NSMCE2: variants seen among roughly 807,000 people sequenced by gnomAD.
NSMCE2 encodes E3 SUMO-protein ligase NSE2.
Under a neutral mutation model 23.8 loss-of-function variants are expected in NSMCE2, and 24 were observed. That is an observed-to-expected ratio of 1.01 (90% CI 0.73 to 1.42). The LOEUF (loss-of-function observed/expected upper bound fraction) is 1.42. Ranked by LOEUF, NSMCE2 falls within the 40% of genes most tolerant of loss-of-function variation. The pLI, the probability that NSMCE2 is intolerant of heterozygous loss-of-function variation, is 0.00. For synonymous variants in NSMCE2, 92 were observed against 94.1 expected, an observed-to-expected ratio of 0.98 and a Z score of 0.13; for missense variants, 284 against 296.5, an observed-to-expected ratio of 0.96 and a Z score of 0.31.
intron 5 of NSMCE2, among the ~76,000 whole-genome samples, chr8:125,292,341 G>A (rs1023934505): frequency 3.3e-5 from 5 of 152,086 alleles, no homozygotes; most frequent in African/African-American, 9.7e-5. Context: ...GATCACTTGA[G>A]GTCAGGAGTT....
intron 3 of NSMCE2, among the ~76,000 whole-genome samples, chr8:125,140,969 C>T (rs75930082): frequency 0.022 from 3,280 of 152,160 alleles, 129 homozygotes; most frequent in African/African-American, 0.075. Context: ...AGACACCTGG[C>T]CGTGAAGATT....
rs34667555 is a variant in NSMCE2, at chr8:125,328,151, CTTT to C, written c.419-29054_419-29052del. Among the ~76,000 whole-genome samples, 908 of 141,642 alleles carry C rather than the reference CTTT, an allele frequency of 6.4e-3. 7 individuals are homozygous for C. Among genetic ancestry groups the C allele is most frequent in the Middle Eastern group, 0.011 (3 of 272 alleles). 92.9% of individuals were successfully genotyped at this position (141,642 alleles called of 152,430 possible). On this transcript the variant is annotated intron_variant, in intron 5 of 7. Coordinates refer to ENST00000287437, the MANE Select transcript of NSMCE2 (RefSeq NM_173685.4). ...CATCATCCAAAGACTTCTCACTGGC[CTTT>C]TTTTTTTTTTTTTAACAGATTCTTA...
intron 5 of NSMCE2, among the ~76,000 whole-genome samples, chr8:125,319,930 C>G (rs1829355616): frequency 6.6e-6 from 1 of 152,032 alleles, no homozygotes; most frequent in African/African-American, 2.4e-5. Flanking sequence ...TAATCTAGCA[C>G]TTTGGGAGGC....
chr8:125,127,108 T>A (rs1248967837), intron 3 of NSMCE2: 1 of 152,216 alleles, frequency 6.6e-6, no homozygotes, highest in African/African-American at 2.4e-5. Flanking sequence ...AGCATTCTTT[T>A]CCATGCATGA....
At chr8:125,155,082 A>G (rs1186000306) in intron 4 of NSMCE2, among the ~76,000 whole-genome samples, 3 of 152,248 alleles carry the variant, frequency 2.0e-5, no homozygotes, top group African/African-American at 7.2e-5. Context: ...AGCAAAGTCC[A>G]TGTGACCTTC....
chr8:125,177,016 T>C lies in NSMCE2; in HGVS notation c.265-5087T>C, dbSNP rs141400759. On this transcript the variant is annotated intron_variant, in intron 4 of 7. Coordinates refer to ENST00000287437, the MANE Select transcript of NSMCE2 (RefSeq NM_173685.4). ...CAGCTGGTTGCAGACTTCTCTATTT[T>C]TTGCCCTAGTACTGGAATGGTTTTC... is the stretch of plus-strand genomic sequence containing the variant. 2.2e-3 allele frequency among the ~76,000 whole-genome samples: 330 copies of C among 152,390 alleles called. 1 individual carries two copies. Among genetic ancestry groups the C allele is most frequent in the African/African-American group, 6.6e-3 (276 of 41,604 alleles).
intron 5 of NSMCE2, among the ~76,000 whole-genome samples, chr8:125,225,200 T>A (rs1440214958): frequency 6.6e-6 from 1 of 152,196 alleles, no homozygotes; most frequent in Non-Finnish European, 1.5e-5. Flanking sequence ...TGAAATCAGT[T>A]CTTAAACCAG....
intron 5 of NSMCE2, among the ~76,000 whole-genome samples, chr8:125,261,415 A>G (rs1333548110): frequency 1.3e-5 from 2 of 152,186 alleles, no homozygotes; most frequent in Non-Finnish European, 2.9e-5. Context: ...TGCTCTTTCT[A>G]CTTTTTCCAT....
At chr8:125,100,014 A>G (rs1039703989) in intron 1 of NSMCE2, among the ~76,000 whole-genome samples, 1 of 152,004 alleles carries the variant, frequency 6.6e-6, no homozygotes, top group Non-Finnish European at 1.5e-5. Context: ...GATCTAGTGG[A>G]TAATTGGAGT....
At chr8:125,212,096 A>G (rs960504142) in intron 5 of NSMCE2, among the ~76,000 whole-genome samples, 3 of 152,140 alleles carry the variant, frequency 2.0e-5, no homozygotes, top group African/African-American at 7.2e-5. Flanking sequence ...CTTCCTAAAT[A>G]TTTTTTATTA....
At chr8:125,333,008 T>C (rs2131303004) in intron 5 of NSMCE2, among the ~76,000 whole-genome samples, 1 of 152,322 alleles carries the variant, frequency 6.6e-6, no homozygotes, top group South Asian at 2.1e-4. Flanking sequence ...AGTGGAACAC[T>C]GAGCTGTGAA....
chr8:125,171,267 G>T (rs1409790211), intron 4 of NSMCE2, among the ~76,000 whole-genome samples: 1 of 152,162 alleles, frequency 6.6e-6, no homozygotes, highest in Non-Finnish European at 1.5e-5. Flanking sequence ...CTCCACAAGG[G>T]CAGGAACTGG....
At chr8:125,216,221 A>G (rs947222177) in intron 5 of NSMCE2, among the ~76,000 whole-genome samples, 3 of 152,226 alleles carry the variant, frequency 2.0e-5, no homozygotes, top group African/African-American at 7.2e-5. Context: ...TTATCTGTCA[A>G]TGGACATTTG....
At chr8:125,343,477 T>C (rs973328110) in intron 5 of NSMCE2, among the ~76,000 whole-genome samples, 12 of 152,102 alleles carry the variant, frequency 7.9e-5, no homozygotes, top group Non-Finnish European at 4.4e-5. Flanking sequence ...ATTATATAAA[T>C]TTAAAGTATG....
intron 4 of NSMCE2, among the ~76,000 whole-genome samples, chr8:125,161,733 A>C (rs1259513705): frequency 2.1e-5 from 3 of 142,666 alleles, no homozygotes; most frequent in African/African-American, 8.3e-5. Context: ...GGAGGGTTGC[A>C]GTGAGCCAAG....
At chr8:125,284,122 C>G (rs1827802485) in intron 5 of NSMCE2, among the ~76,000 whole-genome samples, 1 of 149,982 alleles carries the variant, frequency 6.7e-6, no homozygotes, top group South Asian at 2.1e-4. Flanking sequence ...CCACTGCACT[C>G]CAGCCTGGGC....
chr8:125,212,757 G>T (rs1824399765), intron 5 of NSMCE2, among the ~76,000 whole-genome samples: 1 of 152,128 alleles, frequency 6.6e-6, no homozygotes, highest in African/African-American at 2.4e-5. Context: ...GTATACAGTT[G>T]CACAGTTTGT....
At chr8:125,167,743 C>CT (rs912715103) in intron 4 of NSMCE2, among the ~76,000 whole-genome samples, 28 of 143,596 alleles carry the variant, frequency 1.9e-4, no homozygotes, top group African/African-American at 4.1e-4. Flanking sequence ...CAGTGGAATT[C>CT]TTTTTTTTTT....
Position 125,255,515 on chromosome 8 carries a change from G to T in NSMCE2, c.418+73259G>T, listed in dbSNP as rs150009430. Among the ~76,000 whole-genome samples, 495 of 152,172 alleles carry T rather than the reference G, an allele frequency of 3.3e-3. 16 individuals are homozygous for T. Among genetic ancestry groups the T allele is most frequent in the Admixed American group, 0.03 (465 of 15,278 alleles). On this transcript the variant is annotated intron_variant, in intron 5 of 7. Transcript: ENST00000287437. Reference sequence around the variant, plus strand: ...GGTTAACCAGGTTGGAGAATAAAGGGTGGCGTGTTCTAGGCAGAGGGGACA... The same window carrying T: ...GGTTAACCAGGTTGGAGAATAAAGGTTGGCGTGTTCTAGGCAGAGGGGACA...
Sources: allele counts gnomAD v4.1 joint callset (sites outside exome capture counted in the v4.1 genomes callset), GRCh38; gene constraint gnomAD v4.1.1; transcripts MANE v1.5; gene names NCBI Gene and HGNC (gene_info 2026-07-23, HGNC 2026-07-21).